The following FRMD4A variants were observed in gnomAD, a reference collection of about 807,000 sequenced individuals.
FRMD4A encodes the protein FERM domain containing 4A, also known as FERM domain-containing protein 4A.
A neutral mutation model predicts 129.1 loss-of-function variants in FRMD4A; 29 were observed. The ratio of observed to expected loss-of-function variants is 0.22; its 90% CI spans 0.17 to 0.31. The LOEUF is 0.31. Ranked by LOEUF, FRMD4A falls within the 10% of genes least tolerant of loss-of-function variation. The pLI, the probability that FRMD4A is intolerant of heterozygous loss-of-function variation, is 1.00. For synonymous variants in FRMD4A, 634 were observed against 571.6 expected (o/e 1.11, Z -1.56); for missense variants, 1,272 against 1,375.8 (o/e 0.92, Z 1.19).
At chr10:13,788,818 G>A (rs866581349) in intron 5 of FRMD4A, among the ~76,000 whole-genome samples, 2 of 93,504 alleles carry the variant, frequency 2.1e-5, no homozygotes, top group Non-Finnish European at 2.2e-5. Flanking sequence ...CTAAAGCCTC[G>A]GGGAGTCCCG....
At chr10:13,703,569 G>A (rs1053670467) in intron 13 of FRMD4A, among the ~76,000 whole-genome samples, 1 of 152,122 alleles carries the variant, frequency 6.6e-6, no homozygotes, top group African/African-American at 2.4e-5. Context: ...CTGCAGTTCT[G>A]ACTGCCTTCC....
At chr10:13,938,966 T>C (rs995677403) in intron 2 of FRMD4A, among the ~76,000 whole-genome samples, 5 of 152,172 alleles carry the variant, frequency 3.3e-5, no homozygotes, top group African/African-American at 7.2e-5. Flanking sequence ...CCAGCATCGG[T>C]TGATAGAGGC....
intron 3 of FRMD4A, among the ~76,000 whole-genome samples, chr10:13,839,836 T>G (rs2093935013): frequency 6.6e-6 from 1 of 152,192 alleles, no homozygotes. Flanking sequence ...CTGCCCCAGC[T>G]GGAGGCCCGA....
intron 2 of FRMD4A, among the ~76,000 whole-genome samples, chr10:14,100,048 C>G (rs111398641): frequency 0.013 from 1,990 of 152,312 alleles, 34 homozygotes; most frequent in African/African-American, 0.045. Context: ...GGTTTTCACC[C>G]CCACGTGCCA....
chr10:13,968,984 T>G (rs538821240), intron 2 of FRMD4A, among the ~76,000 whole-genome samples: 1 of 152,216 alleles, frequency 6.6e-6, no homozygotes. Flanking sequence ...AAATGGCCCA[T>G]GTATTATTAC....
At chr10:14,105,982 T>C (rs1255433727) in intron 2 of FRMD4A, among the ~76,000 whole-genome samples, 2 of 152,268 alleles carry the variant, frequency 1.3e-5, no homozygotes, top group Non-Finnish European at 2.9e-5. Flanking sequence ...TATCATCATC[T>C]GTTGATCTCT....
rs192677925 is a variant in FRMD4A, at chr10:14,280,672, C to T, written c.45+49386G>A. Among the ~76,000 whole-genome samples the T allele has an allele frequency of 3.7e-3, 556 of 152,230 alleles. 3 individuals are homozygous for T. The highest frequency in any genetic ancestry group is 6.2e-3 in the Non-Finnish European group (421 of 68,028). On this transcript the variant is annotated intron_variant, in intron 2 of 24. Coordinates refer to ENST00000357447, the MANE Select transcript of FRMD4A (RefSeq NM_018027.5). ...CTCTCAGAGAGGTATTTGAAAACAC[C>T]TTGGTCTTTGTATGGAGATTCTAAA...
Position 14,187,316 on chromosome 10 carries a change from A to G in FRMD4A, c.45+142742T>C, listed in dbSNP as rs191407941. On this transcript the variant is annotated intron_variant, in intron 2 of 24. Transcript: ENST00000357447. ...AGTCAAATTGTGTATCAACTAGTCCATCATTTCACAGATAAGTAAATTGAG... is the reference window on the plus strand; with the variant it reads ...AGTCAAATTGTGTATCAACTAGTCCGTCATTTCACAGATAAGTAAATTGAG... Among the ~76,000 whole-genome samples, 30 of 152,362 alleles carry G rather than the reference A, an allele frequency of 2.0e-4. No individual in the cohort carries two copies. The East Asian group carries it at 5.8e-3, about 29-fold the overall frequency.
chr10:14,031,307 G>A (rs943846879), intron 2 of FRMD4A, among the ~76,000 whole-genome samples: 1 of 146,106 alleles, frequency 6.8e-6, no homozygotes, highest in Admixed American at 6.8e-5. Context: ...CACTCTTGTT[G>A]CCTAGGCTGG....
At chr10:13,905,995 C>T (rs1423476031) in intron 2 of FRMD4A, among the ~76,000 whole-genome samples, 1 of 152,170 alleles carries the variant, frequency 6.6e-6, no homozygotes, top group South Asian at 2.1e-4. Flanking sequence ...TCATGGCACC[C>T]GAGCAGAGCT....
intron 3 of FRMD4A, among the ~76,000 whole-genome samples, chr10:13,857,346 G>A (rs2094227615): frequency 6.6e-6 from 1 of 152,030 alleles, no homozygotes. Context: ...AAAGACAATG[G>A]TAAGTGGAAA....
At chr10:14,027,756 G>A (rs2131657082) in intron 2 of FRMD4A, among the ~76,000 whole-genome samples, 1 of 152,298 alleles carries the variant, frequency 6.6e-6, no homozygotes, top group Admixed American at 6.5e-5. Context: ...CTAGCACTGG[G>A]GCTCTAGAAG....
intron 2 of FRMD4A, among the ~76,000 whole-genome samples, chr10:14,256,720 T>C (rs1331677817): frequency 2.0e-5 from 3 of 152,186 alleles, no homozygotes; most frequent in Non-Finnish European, 4.4e-5. Flanking sequence ...CAGTGGATCA[T>C]GCCTATAATC....
At position 13,971,246 on chromosome 10, in the gene FRMD4A, G is replaced by C. The variant is rs146086437; in HGVS notation, c.46-112334C>G. On this transcript the variant is annotated intron_variant, in intron 2 of 24. Transcript: ENST00000357447. ...TGATAAATCATCCATTGTGAGAGGA[G>C]CGTGGATTTGTGGAAAGAACATCCT... 4.2e-3 allele frequency among the ~76,000 whole-genome samples: 643 copies of C among 152,330 alleles called. 6 individuals carry two copies. The highest frequency in any genetic ancestry group is 0.015 in the African/African-American group (607 of 41,576).
At position 13,861,616 on chromosome 10, in the gene FRMD4A, C is replaced by T. The variant is rs116813946; in HGVS notation, c.46-2704G>A. Among the ~76,000 whole-genome samples the T allele has an allele frequency of 4.4e-3, 669 of 152,284 alleles. 3 individuals are homozygous for T. The highest frequency in any genetic ancestry group is 0.015 in the African/African-American group (620 of 41,552). On this transcript the variant is annotated intron_variant, in intron 2 of 24. Coordinates refer to ENST00000357447, the MANE Select transcript of FRMD4A (RefSeq NM_018027.5). ...ACTTCAATCCAAAGCCTTGCCATTC[C>T]GCACATACAAGTCAAAGCAGGCAGC...
At chr10:13,938,591 C>T (rs2095266809) in intron 2 of FRMD4A, among the ~76,000 whole-genome samples, 1 of 152,102 alleles carries the variant, frequency 6.6e-6, no homozygotes, top group Non-Finnish European at 1.5e-5. Flanking sequence ...TCTTCTATTG[C>T]CTCAATAGAG....
At chr10:13,948,196 A>G (rs2095346414) in intron 2 of FRMD4A, among the ~76,000 whole-genome samples, 2 of 152,116 alleles carry the variant, frequency 1.3e-5, no homozygotes, top group East Asian at 1.9e-4. Context: ...ATATATATAT[A>G]TATTTTTAAG....
intron 4 of FRMD4A, among the ~76,000 whole-genome samples, chr10:13,809,367 T>C (rs576764021): frequency 1.2e-4 from 19 of 152,330 alleles, no homozygotes; most frequent in African/African-American, 4.6e-4. Context: ...AATGGGGCTA[T>C]GATTAATTGA....
At chr10:13,699,234 T>TG (rs1206205077) in intron 14 of FRMD4A, among the ~76,000 whole-genome samples, 8 of 130,774 alleles carry the variant, frequency 6.1e-5, no homozygotes, top group African/African-American at 1.4e-4. Flanking sequence ...GTTTTTTTTT[T>TG]TTTTTTTTTT....
Sources: allele counts gnomAD v4.1 joint callset (sites outside exome capture counted in the v4.1 genomes callset), GRCh38; gene constraint gnomAD v4.1.1; transcripts MANE v1.5; gene names NCBI Gene and HGNC (gene_info 2026-07-23, HGNC 2026-07-21).